The following DNM3 variants were observed in gnomAD, a reference collection of about 807,000 sequenced individuals.
DNM3 encodes the protein dynamin 3.
Under a neutral mutation model 101.6 loss-of-function variants are expected in DNM3, and 47 were observed. The observed-to-expected ratio is 0.46, with a 90% CI of 0.37 to 0.59. The LOEUF is 0.59. DNM3 is among the 20% of genes least tolerant of loss of function. The pLI, the probability that DNM3 is intolerant of heterozygous loss-of-function variation, is 0.00. For synonymous variants in DNM3, 385 were observed against 387.9 expected, an observed-to-expected ratio of 0.99 and a Z score of 0.09; for missense variants, 849 against 1,085.7, an observed-to-expected ratio of 0.78 and a Z score of 3.06.
intron 2 of DNM3, among the ~76,000 whole-genome samples, chr1:171,978,147 T>C (rs778829233): frequency 5.3e-5 from 8 of 152,160 alleles, no homozygotes; most frequent in Non-Finnish European, 8.8e-5. Context: ...GTAAGACAGA[T>C]AATGCTCCTG....
At chr1:172,353,649 T>C (rs2148989891) in intron 17 of DNM3, among the ~76,000 whole-genome samples, 1 of 152,254 alleles carries the variant, frequency 6.6e-6, no homozygotes, top group Middle Eastern at 3.4e-3. Flanking sequence ...GCTCGGAAAC[T>C]TGAATTTTCA....
intron 10 of DNM3, among the ~76,000 whole-genome samples, chr1:172,062,003 A>G (rs1406240119): frequency 6.6e-6 from 1 of 152,214 alleles, no homozygotes; most frequent in African/African-American, 2.4e-5. Context: ...TGGTTATTAA[A>G]GTCTGAAACT....
intron 17 of DNM3, among the ~76,000 whole-genome samples, chr1:172,372,184 C>T (rs914023770): frequency 4.0e-5 from 6 of 149,214 alleles, no homozygotes; most frequent in Admixed American, 6.8e-5. Context: ...TTTGTTCTTG[C>T]GATAGTTTAC....
At chr1:172,028,070 C>T (rs538564406) in intron 4 of DNM3, among the ~76,000 whole-genome samples, 2 of 152,216 alleles carry the variant, frequency 1.3e-5, no homozygotes, top group South Asian at 4.2e-4. Context: ...CCAAGAGGAC[C>T]TAAGACATCT....
intron 1 of DNM3, among the ~76,000 whole-genome samples, chr1:171,862,684 T>TA (rs939112194): frequency 2.0e-5 from 3 of 152,140 alleles, no homozygotes; most frequent in Non-Finnish European, 4.4e-5. Context: ...ATGAATATAC[T>TA]AAAAAATCAC....
At chr1:172,011,456 T>G (rs572701934) in intron 4 of DNM3, among the ~76,000 whole-genome samples, 1 of 152,146 alleles carries the variant, frequency 6.6e-6, no homozygotes, top group East Asian at 1.9e-4. Flanking sequence ...CGATGTCTCC[T>G]CAATTTAGCA....
chr1:172,034,030 A>T (rs1366117716), intron 6 of DNM3, among the ~76,000 whole-genome samples: 1 of 152,182 alleles, frequency 6.6e-6, no homozygotes, highest in Non-Finnish European at 1.5e-5. Context: ...TTTAACTGTT[A>T]CATACAAACT....
At chr1:172,315,655 G>T (rs56100413) in intron 16 of DNM3, among the ~76,000 whole-genome samples, 4,108 of 152,268 alleles carry the variant, frequency 0.027, 76 homozygotes, top group Admixed American at 0.05. Context: ...AAGATGAAAT[G>T]AATGAAATGA....
chr1:172,289,575 C>A (rs999208603), intron 15 of DNM3: 7 of 954,792 alleles, frequency 7.3e-6, no homozygotes, highest in Non-Finnish European at 8.7e-6. Flanking sequence ...CACATTAATT[C>A]TTGACTTTAT....
chr1:172,010,147 T>C (rs1413360474), intron 4 of DNM3, among the ~76,000 whole-genome samples: 1 of 151,972 alleles, frequency 6.6e-6, no homozygotes, highest in African/African-American at 2.4e-5. Flanking sequence ...TCTTTCTATA[T>C]ACAAAACACA....
chr1:172,027,546 A>G (rs2048294754), intron 4 of DNM3, among the ~76,000 whole-genome samples: 1 of 151,708 alleles, frequency 6.6e-6, no homozygotes, highest in Admixed American at 6.6e-5. Context: ...GTGCCACTGC[A>G]CTACAGCCTG....
chr1:172,062,862 A>T (rs1263495819), intron 10 of DNM3, among the ~76,000 whole-genome samples: 1 of 152,206 alleles, frequency 6.6e-6, no homozygotes, highest in African/African-American at 2.4e-5. Flanking sequence ...AATTTTTTTC[A>T]TAGCAAATGT....
chr1:172,062,272 T>G (rs946909639), intron 10 of DNM3, among the ~76,000 whole-genome samples: 1 of 152,168 alleles, frequency 6.6e-6, no homozygotes, highest in Non-Finnish European at 1.5e-5. Context: ...CAGGTGTTGT[T>G]TTGCCACCAT....
intron 2 of DNM3, among the ~76,000 whole-genome samples, chr1:171,960,292 C>T (rs889064692): frequency 6.6e-6 from 1 of 152,106 alleles, no homozygotes; most frequent in Admixed American, 6.6e-5. Context: ...GCCAACACTT[C>T]AACTTAGGCT....
At chr1:172,334,111 A>G (rs1324503510) in intron 17 of DNM3, among the ~76,000 whole-genome samples, 1 of 152,202 alleles carries the variant, frequency 6.6e-6, no homozygotes, top group Non-Finnish European at 1.5e-5. Flanking sequence ...TAATCCCCCA[A>G]TTAAGAAACC....
intron 1 of DNM3, among the ~76,000 whole-genome samples, chr1:171,896,798 T>G (rs1027321631): frequency 2.0e-5 from 3 of 152,166 alleles, no homozygotes; most frequent in African/African-American, 7.2e-5. Flanking sequence ...TCCAAATATG[T>G]ACGCTTTCAA....
intron 1 of DNM3, among the ~76,000 whole-genome samples, chr1:171,914,348 G>T (rs960020096): frequency 2.0e-5 from 3 of 151,812 alleles, no homozygotes; most frequent in Non-Finnish European, 2.9e-5. Context: ...GTAGAGATGG[G>T]GTTTCTCCAT....
At chr1:172,133,757 T>C (rs948154714) in intron 14 of DNM3, among the ~76,000 whole-genome samples, 5 of 152,002 alleles carry the variant, frequency 3.3e-5, no homozygotes, top group Admixed American at 6.6e-5. Flanking sequence ...GTGCAGAAGA[T>C]TTTGCTGAAG....
chr1:172,139,829 T>C (rs1004077920), intron 14 of DNM3: 4 of 152,158 alleles, frequency 2.6e-5, no homozygotes, highest in Admixed American at 2.6e-4. Context: ...GAGCTAATAG[T>C]GTTAAATATG....
Sources: gnomAD v4.1 joint callset for allele counts (sites outside exome capture counted in the v4.1 genomes callset) on GRCh38, gnomAD v4.1.1 for gene constraint, MANE v1.5 for transcripts, NCBI Gene and HGNC (gene_info 2026-07-23, HGNC 2026-07-21) for gene names.